POU2F2: variants seen among roughly 807,000 people sequenced by gnomAD.
POU2F2 encodes POU domain, class 2, transcription factor 2.
In POU2F2, 14 loss-of-function variants were observed where a neutral mutation model predicts 63.5. The ratio of observed to expected loss-of-function variants is 0.22; its 90% CI spans 0.15 to 0.34. POU2F2 has a LOEUF of 0.34. Ranked by LOEUF, POU2F2 falls within the 10% of genes least tolerant of loss-of-function variation. The pLI is 1.00. For missense variants in POU2F2, 607 were observed against 815.2 expected, an observed-to-expected ratio of 0.74 and a Z score of 3.11; for synonymous variants, 306 against 348.6, an observed-to-expected ratio of 0.88 and a Z score of 1.36.
chr19:42,164,322 G>A (rs888609219), intron 1 of POU2F2, among the ~76,000 whole-genome samples: 2 of 151,842 alleles, frequency 1.3e-5, no homozygotes, highest in East Asian at 3.9e-4. Flanking sequence ...CAGGCATAGT[G>A]GCTCATGCCT....
At chr19:42,100,400 C>A (rs972824585) in intron 5 of POU2F2, among the ~76,000 whole-genome samples, 7 of 151,634 alleles carry the variant, frequency 4.6e-5, no homozygotes, top group Admixed American at 6.6e-5. Context: ...CCCTTTCTTT[C>A]TTGATGAAAT....
Position 42,089,903 on chromosome 19 carries a change from G to A in POU2F2, c.*1354C>T, listed in dbSNP as rs1294353520. 1 of 152,080 alleles carries A rather than the reference G, an allele frequency of 6.6e-6. No individual in the cohort carries two copies. Among genetic ancestry groups the A allele is most frequent in the Non-Finnish European group, 1.5e-5 (1 of 68,016 alleles). The allele number at this position is 152,080 out of a possible 1,614,324, so 9.4% of individuals were successfully genotyped here. A position where few individuals can be genotyped will look rare whatever the true frequency, so the allele number is the denominator to read the frequency against. On this transcript the variant is annotated 3_prime_UTR_variant, in exon 15 of 15. Transcript: ENST00000692977. ...CGTCAGTGGAGACGTGTCCGGGGCT[G>A]GTCAAACACAGGGTCCAGCCAAGAG...
At chr19:42,194,221 A>C (rs2035104025) in intron 1 of POU2F2, among the ~76,000 whole-genome samples, 1 of 151,132 alleles carries the variant, frequency 6.6e-6, no homozygotes, top group Admixed American at 6.6e-5. Flanking sequence ...CGTCTCTACA[A>C]AAAAAATAAT....
At position 42,096,205 on chromosome 19, in the gene POU2F2, C is replaced by T. The variant is rs754556612; in HGVS notation, c.606G>A (p.Ser202=). 13 of 1,602,812 alleles carry T rather than the reference C, an allele frequency of 8.1e-6. No homozygotes were observed. Among genetic ancestry groups the T allele is most frequent in the South Asian group, 7.7e-5 (7 of 90,484 alleles). ...TRPTLPDPHL[S]HPQPPKCLEP... The stretch of plus-strand genomic sequence containing the variant: ...CCAAGCATTTGGGGGGCTGCGGGTG[C>T]GAGAGGTGCGGGTCGGGCAGCGTAG... The change falls in exon 8 of 15, where the codon TCG becomes TCA. Residue 202 remains serine (S), a synonymous_variant. Transcript: ENST00000692977. This position sits in a 1 kb window ranked among gnomAD's most constrained non-coding sequence, Gnocchi z 4.1.
intron 5 of POU2F2, among the ~76,000 whole-genome samples, chr19:42,104,002 G>C (rs1255224189): frequency 6.6e-6 from 1 of 152,026 alleles, no homozygotes; most frequent in Non-Finnish European, 1.5e-5. Context: ...TAAAGAAGAA[G>C]AAAAAAGTAG....
intron 1 of POU2F2, among the ~76,000 whole-genome samples, chr19:42,163,094 G>A (rs918618624): frequency 8.5e-5 from 13 of 152,122 alleles, no homozygotes; most frequent in Admixed American, 3.9e-4. Context: ...ATTGGACTCC[G>A]AGGGGCATGG....
chr19:42,132,575 C>A, upstream of POU2F2: 2 of 534,656 alleles, frequency 3.7e-6, no homozygotes, highest in South Asian at 7.8e-5. Context: ...CCCGGCAGCC[C>A]GGCCCACCCC....
At chr19:42,158,872 A>G (rs1211205786) in intron 2 of POU2F2, among the ~76,000 whole-genome samples, 1 of 151,972 alleles carries the variant, frequency 6.6e-6, no homozygotes, top group Non-Finnish European at 1.5e-5. Context: ...AAATTCCTTG[A>G]CTCTCTTTTC....
chr19:42,096,856 G>A lies in POU2F2; in HGVS notation c.568-613C>T, dbSNP rs926390841. 3.9e-5 allele frequency among the ~76,000 whole-genome samples: 6 copies of A among 152,228 alleles called. No homozygotes were observed. The highest frequency in any genetic ancestry group is 2.1e-4 in the South Asian group (1 of 4,834). On this transcript the variant is annotated intron_variant, in intron 7 of 14. Transcript: ENST00000692977. This position sits in a 1 kb window ranked among gnomAD's most constrained non-coding sequence, Gnocchi z 4.1. ...CGCTTGTACCACTCTGGTTGGGGAT[G>A]TAGATGATGCAGGAAGCTGTGCATG...
At chr19:42,188,545 C>T (rs1188350706) in intron 1 of POU2F2, among the ~76,000 whole-genome samples, 1 of 151,238 alleles carries the variant, frequency 6.6e-6, no homozygotes, top group African/African-American at 2.4e-5. Flanking sequence ...GTGGCAGATG[C>T]CTGTAATCCC....
At position 42,117,124 on chromosome 19, in the gene POU2F2, A is replaced by G; in HGVS notation, c.369+126T>C. 1 of 805,738 alleles carries G rather than the reference A, an allele frequency of 1.2e-6. No individual in the cohort carries two copies. The highest frequency in any genetic ancestry group is 2.0e-6 in the Non-Finnish European group (1 of 499,388). 49.9% of individuals were successfully genotyped at this position (805,738 alleles called of 1,614,324 possible). On this transcript the variant is annotated intron_variant, in intron 5 of 14. Coordinates refer to ENST00000692977, the MANE Select transcript of POU2F2 (RefSeq NM_001394376.1). The surrounding 1 kb of genome is among the most constrained non-coding windows in gnomAD (Gnocchi z 4.4). ...GGGGACAAGACCTCCTAGAGGACAG[A>G]AGAGGGCAAGAGGCAGGTGTGAGAG...
intron 1 of POU2F2, among the ~76,000 whole-genome samples, chr19:42,186,172 A>T (rs1268322396): frequency 6.6e-6 from 1 of 152,050 alleles, no homozygotes; most frequent in African/African-American, 2.4e-5. Context: ...TACAAAAAAA[A>T]AAATTAGCCG....
chr19:42,196,912 G>C (rs560456789), upstream of POU2F2, among the ~76,000 whole-genome samples: 16 of 152,384 alleles, frequency 1.0e-4, no homozygotes, highest in Admixed American at 8.5e-4. Flanking sequence ...CAGGGTTAAG[G>C]GGGAGGTGAC....
intron 2 of POU2F2, among the ~76,000 whole-genome samples, chr19:42,158,894 G>T (rs1017145594): frequency 2.0e-5 from 3 of 150,672 alleles, no homozygotes; most frequent in Non-Finnish European, 4.5e-5. Context: ...AGGATGTGAG[G>T]ATTCCTGGAA....
rs2034375122 is a variant in POU2F2, at chr19:42,152,571, T to C, written c.-9+7761A>G. On this transcript the variant is annotated intron_variant, in intron 2 of 6. Coordinates refer to the POU2F2 transcript ENST00000524801. The surrounding 1 kb of genome is among the most constrained non-coding windows in gnomAD (Gnocchi z 4.1). The stretch of plus-strand genomic sequence containing the variant: ...CTCTCCCTTGCTTGCCTTGCTTCCT[T>C]TTCCCGGAGCCGCACCCAGGTCCCC... The C allele has an allele frequency of 6.5e-6, 1 of 153,046 alleles. No individual in the cohort carries two copies. The highest frequency in any genetic ancestry group is 6.5e-5 in the Admixed American group (1 of 15,270). The allele number at this position is 153,046 out of a possible 1,614,324, so 9.5% of individuals were successfully genotyped here.
intron 5 of POU2F2, among the ~76,000 whole-genome samples, chr19:42,107,123 G>T (rs921423308): frequency 1.3e-5 from 2 of 152,142 alleles, no homozygotes; most frequent in Non-Finnish European, 2.9e-5. Context: ...CAAGGCGGGC[G>T]AATCACTTGA....
chr19:42,144,195 C>A (rs576036707), intron 2 of POU2F2, among the ~76,000 whole-genome samples: 144 of 152,294 alleles, frequency 9.5e-4, no homozygotes, highest in African/African-American at 3.2e-3. Context: ...TAATGTGAAC[C>A]CACATTCACC....
rs771402496 is a variant in POU2F2, at chr19:42,110,664, C to T, written c.369+6586G>A. 223 of 452,432 alleles carry T rather than the reference C, an allele frequency of 4.9e-4. 4 individuals carry two copies. The highest frequency in any genetic ancestry group is 2.8e-3 in the South Asian group (181 of 63,894). The allele number at this position is 452,432 out of a possible 1,614,324, so 28.0% of individuals were successfully genotyped here. A position where few individuals can be genotyped will look rare whatever the true frequency, so the allele number is the denominator to read the frequency against. The stretch of plus-strand genomic sequence containing the variant: ...AGACCTGGGCCTTGGAGCCCAGAAT[C>T]CTGACTGCCCCTCACACACCTCAGG... On this transcript the variant is annotated intron_variant, in intron 5 of 14. Coordinates refer to ENST00000692977, the MANE Select transcript of POU2F2 (RefSeq NM_001394376.1).
chr19:42,161,007 T>C (rs568258282), intron 1 of POU2F2, among the ~76,000 whole-genome samples: 1 of 152,342 alleles, frequency 6.6e-6, no homozygotes, highest in African/African-American at 2.4e-5. Context: ...GAATCAAGTG[T>C]GGCAGGGGAC....
Sources: gnomAD v4.1 joint callset for allele counts (sites outside exome capture counted in the v4.1 genomes callset) on GRCh38, gnomAD v4.1.1 for gene constraint, Gnocchi (gnomAD v3.1) non-coding constraint, MANE v1.5 for transcripts, NCBI Gene and HGNC (gene_info 2026-07-23, HGNC 2026-07-21) for gene names.